Variants in LOC128125817 observed in about 807,000 individuals in gnomAD.
chr1:41,610,014 CT>C, the LOC128125817 span, among the ~76,000 whole-genome samples: 1 of 152,204 alleles, frequency 6.6e-6, no homozygotes, highest in Admixed American at 6.5e-5. Flanking sequence ...AAAGAGTGCC[CT>C]CCCCAGAGGA....
the LOC128125817 span, among the ~76,000 whole-genome samples, chr1:41,595,940 A>G: frequency 6.6e-6 from 1 of 152,140 alleles, no homozygotes; most frequent in East Asian, 1.9e-4. Flanking sequence ...ATACTCCTCA[A>G]TAAACTCCCC....
chr1:41,627,116 G>A, the LOC128125817 span, among the ~76,000 whole-genome samples: 1 of 152,220 alleles, frequency 6.6e-6, no homozygotes, highest in Non-Finnish European at 1.5e-5. Flanking sequence ...CAGAGGGCAG[G>A]GCATGCAGAT....
At chr1:41,587,982 A>G in the LOC128125817 span, among the ~76,000 whole-genome samples, 1 of 152,210 alleles carries the variant, frequency 6.6e-6, no homozygotes, top group South Asian at 2.1e-4. Context: ...TTGCCCTTTC[A>G]ACCTATGTCC....
chr1:41,594,667 T>C, the LOC128125817 span, among the ~76,000 whole-genome samples: 1 of 152,242 alleles, frequency 6.6e-6, no homozygotes, highest in African/African-American at 2.4e-5. Flanking sequence ...CCTTTACATA[T>C]AGGTTGCAGA....
the LOC128125817 span, among the ~76,000 whole-genome samples, chr1:41,628,495 T>A: frequency 6.6e-6 from 1 of 152,076 alleles, no homozygotes; most frequent in East Asian, 1.9e-4. Flanking sequence ...ACTGAGGTAC[T>A]GGGAGGGGGC....
At chr1:41,616,439 G>A in the LOC128125817 span, among the ~76,000 whole-genome samples, 1 of 152,136 alleles carries the variant, frequency 6.6e-6, no homozygotes, top group Admixed American at 6.5e-5. Context: ...TAAGAGGGAC[G>A]CACAGAGTCT....
the LOC128125817 span, among the ~76,000 whole-genome samples, chr1:41,605,647 C>T: frequency 6.6e-5 from 10 of 151,824 alleles, no homozygotes; most frequent in East Asian, 1.9e-4. Context: ...TGGGGAGGGA[C>T]GGCTCACCAG....
chr1:41,600,841 T>C, the LOC128125817 span, among the ~76,000 whole-genome samples: 1 of 152,200 alleles, frequency 6.6e-6, no homozygotes, highest in Non-Finnish European at 1.5e-5. Context: ...CTATGTTTTC[T>C]TCTAGGAGTT....
chr1:41,620,336 C>T, the LOC128125817 span, among the ~76,000 whole-genome samples: 1 of 152,218 alleles, frequency 6.6e-6, no homozygotes, highest in Non-Finnish European at 1.5e-5. Context: ...TTACCCATGA[C>T]ATAGTTTCTT....
the LOC128125817 span, among the ~76,000 whole-genome samples, chr1:41,625,390 A>T: frequency 1.3e-4 from 20 of 152,282 alleles, no homozygotes; most frequent in Non-Finnish European, 2.6e-4. Flanking sequence ...TAATGCATTT[A>T]AAAAACGGTG....
chr1:41,607,186 C>T, the LOC128125817 span, among the ~76,000 whole-genome samples: 1 of 152,074 alleles, frequency 6.6e-6, no homozygotes, highest in African/African-American at 2.4e-5. Context: ...CTACCCACCC[C>T]CTGACTGTCT....
At chr1:41,604,453 G>A in the LOC128125817 span, among the ~76,000 whole-genome samples, 1 of 152,186 alleles carries the variant, frequency 6.6e-6, no homozygotes, top group South Asian at 2.1e-4. Flanking sequence ...ATGTGAATGT[G>A]GAAACTCCAC....
chr1:41,627,529 A>G, the LOC128125817 span, among the ~76,000 whole-genome samples: 352 of 152,252 alleles, frequency 2.3e-3, 1 homozygote, highest in South Asian at 5.0e-3. Flanking sequence ...TGGTAGGCCC[A>G]AGCTGTCATA....
At chr1:41,596,130 G>C in the LOC128125817 span, among the ~76,000 whole-genome samples, 1 of 152,066 alleles carries the variant, frequency 6.6e-6, no homozygotes. Flanking sequence ...GTTTCCACAC[G>C]TCCCCTCCTA....
chr1:41,591,518 C>T, the LOC128125817 span, among the ~76,000 whole-genome samples: 1 of 151,998 alleles, frequency 6.6e-6, no homozygotes, highest in Non-Finnish European at 1.5e-5. Flanking sequence ...CATACCAACC[C>T]AGGGCACAAG....
chr1:41,617,967 T>C, the LOC128125817 span, among the ~76,000 whole-genome samples: 1 of 152,130 alleles, frequency 6.6e-6, no homozygotes, highest in African/African-American at 2.4e-5. Context: ...GTGGCAGCAT[T>C]TCCCTAAGCT....
the LOC128125817 span, among the ~76,000 whole-genome samples, chr1:41,596,860 A>G: frequency 6.6e-6 from 1 of 152,146 alleles, no homozygotes; most frequent in Non-Finnish European, 1.5e-5. Context: ...GAGATCCTCC[A>G]GGAAGTCTTC....
the LOC128125817 span, among the ~76,000 whole-genome samples, chr1:41,623,262 C>T: frequency 6.6e-5 from 10 of 152,216 alleles, no homozygotes; most frequent in African/African-American, 2.4e-4. Context: ...AACCACGAAA[C>T]TTCCTACCTG....
the LOC128125817 span, among the ~76,000 whole-genome samples, chr1:41,625,162 C>CAAAAAAAAA: frequency 4.2e-5 from 3 of 71,274 alleles, no homozygotes; most frequent in African/African-American, 5.2e-5. Context: ...GATTCCAACT[C>CAAAAAAAAA]AAAAAAAAAA....
Sources: gnomAD v4.1 joint callset for allele counts (sites outside exome capture counted in the v4.1 genomes callset) on GRCh38, gnomAD v4.1.1 for gene constraint, MANE v1.5 for transcripts.